SHQ1: variants seen among roughly 807,000 people sequenced by gnomAD.
The protein encoded by SHQ1 is SHQ1, H/ACA ribonucleoprotein assembly factor.
In SHQ1, 49 loss-of-function variants were observed where a neutral mutation model predicts 53.8. The observed-to-expected ratio is 0.91, with a 90% CI of 0.72 to 1.16. The LOEUF (loss-of-function observed/expected upper bound fraction) is 1.16, where lower values mean the gene tolerates loss of function less well. SHQ1 is among the 50% of genes most tolerant of loss of function. The probability of loss-of-function intolerance (pLI) is 0.00; values close to 1 mark genes in which losing one functional copy is unlikely to be tolerated. For synonymous variants in SHQ1, 243 were observed against 251.0 expected (o/e 0.97, Z 0.30); for missense variants, 738 against 683.1 (o/e 1.08, Z -0.90).
chr3:72,781,351 CAG>C (rs1412006288), intron 10 of SHQ1, among the ~76,000 whole-genome samples: 1 of 151,914 alleles, frequency 6.6e-6, no homozygotes, highest in Non-Finnish European at 1.5e-5. Flanking sequence ...ACACCATGCA[CAG>C]CCTCAGGTGA....
the SHQ1 span, among the ~76,000 whole-genome samples, chr3:72,737,383 CAG>C: frequency 1.3e-5 from 2 of 151,968 alleles, no homozygotes; most frequent in African/African-American, 2.4e-5. Context: ...CCTCTGAAGG[CAG>C]AGTCTGAAGG....
chr3:72,786,050 G>A (rs1335039893), intron 10 of SHQ1, among the ~76,000 whole-genome samples: 2 of 152,030 alleles, frequency 1.3e-5, no homozygotes, highest in Admixed American at 1.3e-4. Flanking sequence ...CCAGTTAGAT[G>A]CCCAAGTCAA....
chr3:72,809,578 T>A (rs1416467310), intron 9 of SHQ1: 1 of 152,188 alleles, frequency 6.6e-6, no homozygotes, highest in African/African-American at 2.4e-5. Flanking sequence ...TATACATTAA[T>A]AAGATGTAGA....
the SHQ1 span, among the ~76,000 whole-genome samples, chr3:72,738,356 G>A: frequency 6.6e-6 from 1 of 152,140 alleles, no homozygotes; most frequent in Non-Finnish European, 1.5e-5. Context: ...GGCTGTTATT[G>A]GCATTTGGTT....
intron 10 of SHQ1, among the ~76,000 whole-genome samples, chr3:72,765,530 CAT>C (rs10551107): frequency 0.28 from 22,909 of 82,178 alleles, 4,038 homozygotes; most frequent in South Asian, 0.42. Context: ...ATTCACATGA[CAT>C]ATATATATAT....
At chr3:72,770,388 G>A (rs760094173) in intron 10 of SHQ1, among the ~76,000 whole-genome samples, 1 of 152,230 alleles carries the variant, frequency 6.6e-6, no homozygotes, top group Admixed American at 6.5e-5. Context: ...AATGACAGGG[G>A]ACAGCTTTCT....
intron 10 of SHQ1, among the ~76,000 whole-genome samples, chr3:72,765,557 A>ATATATATATATATATTTTTT (rs1491527508): frequency 3.5e-5 from 2 of 57,184 alleles, no homozygotes; most frequent in African/African-American, 1.6e-4. Context: ...ATATATATAT[A>ATATATATATATATATTTTTT]TTTTTTTTTT....
At chr3:72,820,348 C>A (rs1179365394) in intron 6 of SHQ1, among the ~76,000 whole-genome samples, 1 of 152,180 alleles carries the variant, frequency 6.6e-6, no homozygotes. Flanking sequence ...GCTAGACTTT[C>A]CCTAAAACAC....
At chr3:72,751,474 A>ATG (rs1491475817) in intron 10 of SHQ1, among the ~76,000 whole-genome samples, 32 of 106,126 alleles carry the variant, frequency 3.0e-4, no homozygotes, top group African/African-American at 1.0e-3. Context: ...TAATAAGCAC[A>ATG]TATGTGTGTG....
chr3:72,826,342 T>G (rs980030189), intron 5 of SHQ1, among the ~76,000 whole-genome samples: 2 of 152,234 alleles, frequency 1.3e-5, no homozygotes, highest in African/African-American at 4.8e-5. Flanking sequence ...CTCTTTTGAA[T>G]TGAAGTTCTA....
the SHQ1 span, among the ~76,000 whole-genome samples, chr3:72,742,200 A>AG: frequency 2.6e-5 from 3 of 117,060 alleles, no homozygotes; most frequent in African/African-American, 1.1e-4. Context: ...CCTATCTCTT[A>AG]AAAAAAAAAA....
At chr3:72,737,548 C>A in the SHQ1 span, among the ~76,000 whole-genome samples, 4 of 152,158 alleles carry the variant, frequency 2.6e-5, no homozygotes, top group Non-Finnish European at 4.4e-5. Context: ...CCCCAGGATA[C>A]CAAAATTTGC....
At chr3:72,784,755 T>TCA (rs1383593855) in intron 10 of SHQ1, among the ~76,000 whole-genome samples, 2 of 152,146 alleles carry the variant, frequency 1.3e-5, no homozygotes, top group African/African-American at 2.4e-5. Context: ...CCACCTAGAG[T>TCA]GTCTGATTAT....
At position 72,751,529 on chromosome 3, in the gene SHQ1, T is replaced by TATAC. The variant is rs1491584090; in HGVS notation, c.1182-694_1182-693insGTAT. On this transcript the variant is annotated intron_variant, in intron 10 of 10. Coordinates refer to ENST00000325599, the MANE Select transcript of SHQ1 (RefSeq NM_018130.3). ...GTGTGTATATATATATATATATATATACATATACATACACTAATAAAGCCT... is the reference window on the plus strand; with the variant it reads ...GTGTGTATATATATATATATATATATATACACATATACATACACTAATAAAGCCT... 3.0e-4 allele frequency among the ~76,000 whole-genome samples: 41 copies of TATAC among 138,028 alleles called. 2 individuals carry two copies. Among genetic ancestry groups the TATAC allele is most frequent in the Middle Eastern group, 3.6e-3 (1 of 278 alleles). The allele number at this position is 138,028 out of a possible 152,430, so 90.6% of individuals were successfully genotyped here.
At chr3:72,762,016 C>T (rs1376485115) in intron 10 of SHQ1, among the ~76,000 whole-genome samples, 2 of 152,148 alleles carry the variant, frequency 1.3e-5, no homozygotes, top group African/African-American at 4.8e-5. Flanking sequence ...CAGGCTCTAG[C>T]TCCAGCAGTT....
intron 3 of SHQ1, 86 bp downstream of exon 3, chr3:72,842,194 T>C: frequency 6.9e-7 from 1 of 1,448,958 alleles, no homozygotes; most frequent in South Asian, 1.3e-5. Context: ...AATTTCCTAT[T>C]CACTATATCC....
At chr3:72,765,933 G>C (rs976326440) in intron 10 of SHQ1, among the ~76,000 whole-genome samples, 1 of 152,162 alleles carries the variant, frequency 6.6e-6, no homozygotes, top group South Asian at 2.1e-4. Context: ...TTATATTCTT[G>C]TGTAAGAAAA....
chr3:72,781,238 T>C (rs1195859678), intron 10 of SHQ1, among the ~76,000 whole-genome samples: 1 of 151,836 alleles, frequency 6.6e-6, no homozygotes, highest in Non-Finnish European at 1.5e-5. Context: ...TATTCTTAAG[T>C]AGAGATGGGG....
At chr3:72,796,921 A>G (rs1040740786) in intron 9 of SHQ1, among the ~76,000 whole-genome samples, 5 of 117,800 alleles carry the variant, frequency 4.2e-5, no homozygotes, top group African/African-American at 1.9e-4. Context: ...TCTGATCCCT[A>G]TTTTCTTAAA....
Sources: allele counts gnomAD v4.1 joint callset (sites outside exome capture counted in the v4.1 genomes callset), GRCh38; gene constraint gnomAD v4.1.1; transcripts MANE v1.5; gene names NCBI Gene and HGNC (gene_info 2026-07-23, HGNC 2026-07-21).